ADCY3: variants seen among roughly 807,000 people sequenced by gnomAD.
ADCY3 encodes adenylate cyclase 3, also known as adenylate cyclase type 3.
Under a neutral mutation model 119.4 loss-of-function variants are expected in ADCY3, and 70 were observed. That is an observed-to-expected ratio of 0.59 (90% CI 0.48 to 0.72). ADCY3 has a LOEUF of 0.72. ADCY3 is among the 30% of genes least tolerant of loss of function. The pLI is 0.00. For missense variants in ADCY3, 1,238 were observed against 1,541.6 expected, an observed-to-expected ratio of 0.80 and a Z score of 3.30; for synonymous variants, 672 against 621.4, an observed-to-expected ratio of 1.08 and a Z score of -1.21.
intron 3 of ADCY3, among the ~76,000 whole-genome samples, chr2:24,852,211 A>G (rs557977932): frequency 7.9e-5 from 12 of 152,120 alleles, no homozygotes; most frequent in African/African-American, 2.4e-4. Flanking sequence ...CTCGGGGGGA[A>G]CTTGCAACAG....
chr2:24,889,408 C>G (rs1306476056), intron 2 of ADCY3, among the ~76,000 whole-genome samples: 1 of 152,218 alleles, frequency 6.6e-6, no homozygotes, highest in Non-Finnish European at 1.5e-5. Flanking sequence ...CTCCATGTTG[C>G]CGGGGCATCA....
intron 9 of ADCY3, 65 bp downstream of exon 9, chr2:24,836,852 A>T: frequency 6.5e-7 from 1 of 1,545,176 alleles, no homozygotes; most frequent in Non-Finnish European, 8.7e-7. Flanking sequence ...GCAGGAACGT[A>T]TTGCTTCCTG....
At chr2:24,823,442 A>T in intron 17 of ADCY3, 87 bp from the exon 18 acceptor site, 1 of 1,446,608 alleles carries the variant, frequency 6.9e-7, no homozygotes, top group Non-Finnish European at 9.3e-7. Flanking sequence ...TCCATGCATG[A>T]CATGTGCACT....
intron 9 of ADCY3, among the ~76,000 whole-genome samples, chr2:24,835,651 T>C (rs943732019): frequency 7.2e-5 from 11 of 152,180 alleles, no homozygotes; most frequent in Admixed American, 2.6e-4. Flanking sequence ...CACGACTCCC[T>C]GGGGCCGGGC....
In ADCY3 at chr2:24,836,837, C is replaced by T; in HGVS notation, c.1662+80G>A. 12 of 1,531,508 alleles carry T rather than the reference C, an allele frequency of 7.8e-6. 1 individual carries two copies. The South Asian group carries it at 1.5e-4, about 20-fold the overall frequency. The allele number at this position is 1,531,508 out of a possible 1,614,324, so 94.9% of individuals were successfully genotyped here. ...GCCAGGTCTCCCCAGCACAGGACTCCTGCTGCAGGAACGTATTGCTTCCTG... is the reference window on the plus strand; with the variant it reads ...GCCAGGTCTCCCCAGCACAGGACTCTTGCTGCAGGAACGTATTGCTTCCTG... On this transcript the variant is annotated intron_variant, in intron 9 of 21. Coordinates refer to ENST00000679454, the MANE Select transcript of ADCY3 (RefSeq NM_004036.5).
At chr2:24,866,616 C>T (rs945051653) in intron 3 of ADCY3, among the ~76,000 whole-genome samples, 13 of 135,376 alleles carry the variant, frequency 9.6e-5, no homozygotes, top group Non-Finnish European at 1.9e-4. Context: ...TGCCAGGTTT[C>T]AACAACAAAA....
chr2:24,880,111 A>C (rs531420015), intron 2 of ADCY3, among the ~76,000 whole-genome samples: 31 of 152,220 alleles, frequency 2.0e-4, no homozygotes, highest in Non-Finnish European at 4.3e-4. Flanking sequence ...CCTCAAAACA[A>C]AGGGGCCTCC....
chr2:24,895,873 T>C (rs1444395424), intron 2 of ADCY3, among the ~76,000 whole-genome samples: 1 of 152,186 alleles, frequency 6.6e-6, no homozygotes, highest in Non-Finnish European at 1.5e-5. Flanking sequence ...TAATTTTAGA[T>C]AGTTTTATTG....
At chr2:24,823,492 A>ATTTTTTTTTTTTTTTTTTTTTT (rs5829941) in intron 17 of ADCY3, 137 bp from the exon 18 acceptor site, 1 of 633,740 alleles carries the variant, frequency 1.6e-6, no homozygotes. Flanking sequence ...TTATTCCAGC[A>ATTTTTTTTTTTTTTTTTTTTTT]TTTTTTTTTT....
At chr2:24,877,821 C>T (rs1023920429) in intron 2 of ADCY3, 6 of 462,802 alleles carry the variant, frequency 1.3e-5, no homozygotes, top group Admixed American at 7.1e-5. Flanking sequence ...TGGCCTGGGG[C>T]GAGACAGCTG....
chr2:24,822,440 G>T, intron 19 of ADCY3, 71 bp downstream of exon 19: 1 of 1,586,242 alleles, frequency 6.3e-7, no homozygotes. Flanking sequence ...TTTCCCCCAT[G>T]CTAGGTCTGG....
At chr2:24,827,493 C>A in intron 15 of ADCY3, 53 bp downstream of exon 15, 1 of 1,546,552 alleles carries the variant, frequency 6.5e-7, no homozygotes, top group South Asian at 1.2e-5. Flanking sequence ...ATATTCCTGT[C>A]TCTAGAAGAA....
intron 2 of ADCY3, among the ~76,000 whole-genome samples, chr2:24,901,934 A>C (rs1423092554): frequency 6.6e-6 from 1 of 152,172 alleles, no homozygotes; most frequent in Non-Finnish European, 1.5e-5. Context: ...TTTAAAATAC[A>C]TATAAATGTA....
chr2:24,828,105 C>CT lies in ADCY3; in HGVS notation c.2228_2229insA (p.Glu744GlyfsTer57). 6.2e-7 allele frequency: 1 copy of CT among 1,614,096 alleles called. No individual in the cohort carries two copies. The highest frequency in any genetic ancestry group is 8.5e-7 in the Non-Finnish European group (1 of 1,180,028). On this transcript the variant is annotated frameshift_variant, in exon 14 of 22. Transcript: ENST00000679454. LOFTEE classifies it high-confidence loss of function. ...TGGGGTTCTCCAGGCAGCTGCCCTC[C>CT]GTTTCCATCCCTGCCGTTGCATTGC...
At chr2:24,825,156 G>A (rs1668399537) in intron 16 of ADCY3, among the ~76,000 whole-genome samples, 1 of 152,104 alleles carries the variant, frequency 6.6e-6, no homozygotes. Flanking sequence ...ACTCAGGGTG[G>A]AGTCCCCCTT....
intron 7 of ADCY3, among the ~76,000 whole-genome samples, chr2:24,839,240 T>C (rs750828672): frequency 1.5e-4 from 23 of 152,140 alleles, no homozygotes; most frequent in Non-Finnish European, 2.8e-4. Flanking sequence ...CAAGATCCAA[T>C]TATCCCCCAC....
At chr2:24,910,665 T>C (rs1663490582) in intron 2 of ADCY3, among the ~76,000 whole-genome samples, 1 of 126,064 alleles carries the variant, frequency 7.9e-6, no homozygotes, top group Non-Finnish European at 1.6e-5. Flanking sequence ...TCTTTTCTTT[T>C]TTTTTTTTTT....
At chr2:24,915,109 C>T (rs1042747913) in intron 2 of ADCY3, among the ~76,000 whole-genome samples, 1 of 152,212 alleles carries the variant, frequency 6.6e-6, no homozygotes, top group Non-Finnish European at 1.5e-5. Context: ...AGACTTTTGA[C>T]ACTGGCAATG....
Position 24,820,003 on chromosome 2 carries a change from G to A in ADCY3, c.3364C>T (p.Arg1122Trp), listed in dbSNP as rs762205806. The A allele has an allele frequency of 2.6e-5, 42 of 1,612,462 alleles. No individual in the cohort carries two copies. The highest frequency in any genetic ancestry group is 2.9e-5 in the Non-Finnish European group (34 of 1,179,310). ...TTGGGGAAGGTGGCTAGCTTATCCC[G>A]CCCCTTCAAGAAGAAGGTCAGCAGC... ...GELLTFFLKG[R>W]DKLATFPNGP... The change falls in exon 22 of 22, where the codon CGG (arginine) becomes TGG (tryptophan). Residue 1122 changes from arginine to tryptophan, a missense_variant. By Grantham distance (101) the Arg-to-Trp change is moderately radical. This residue lies in a region of ADCY3 where 86 missense variants were observed against 70.7 expected (regional missense o/e 1.22). Transcript: ENST00000679454.
Sources: allele counts gnomAD v4.1 joint callset (sites outside exome capture counted in the v4.1 genomes callset), GRCh38; gene constraint gnomAD v4.1.1; regional missense constraint gnomAD v4.1.1; transcripts MANE v1.5; gene names NCBI Gene and HGNC (gene_info 2026-07-23, HGNC 2026-07-21).